Variants in PIP5K1B observed in about 807,000 individuals in gnomAD.
PIP5K1B encodes phosphatidylinositol-4-phosphate 5-kinase type 1 beta.
In PIP5K1B, 42 loss-of-function variants were observed where a neutral mutation model predicts 67.0. The observed-to-expected ratio is 0.63, with a 90% CI of 0.49 to 0.81. PIP5K1B has a LOEUF of 0.81. PIP5K1B is among the 30% of genes least tolerant of loss of function. The pLI is 0.00. For synonymous variants in PIP5K1B, 214 were observed against 231.4 expected, an observed-to-expected ratio of 0.92 and a Z score of 0.68; for missense variants, 459 against 646.3, an observed-to-expected ratio of 0.71 and a Z score of 3.14.
chr9:68,914,049 T>C (rs567836096), intron 8 of PIP5K1B, among the ~76,000 whole-genome samples: 4 of 152,222 alleles, frequency 2.6e-5, no homozygotes, highest in African/African-American at 7.2e-5. Flanking sequence ...AGGTTGAATA[T>C]TGCAGGAAAA....
intron 1 of PIP5K1B, among the ~76,000 whole-genome samples, chr9:68,729,222 T>G (rs1325311326): frequency 9.9e-5 from 15 of 152,202 alleles, no homozygotes; most frequent in Admixed American, 9.8e-4. Context: ...ATTTAAAATA[T>G]TTAGATGAAT....
At chr9:68,994,090 G>C (rs541122732) in intron 15 of PIP5K1B, among the ~76,000 whole-genome samples, 1 of 140,210 alleles carries the variant, frequency 7.1e-6, no homozygotes, top group South Asian at 2.3e-4. Context: ...GCCCAGGCTG[G>C]AGTGCAGTGG....
At chr9:68,852,634 G>A (rs1822551353) in intron 4 of PIP5K1B, among the ~76,000 whole-genome samples, 1 of 152,222 alleles carries the variant, frequency 6.6e-6, no homozygotes, top group South Asian at 2.1e-4. Context: ...AGAGCAGGGT[G>A]AAGGAGGGTT....
chr9:68,764,886 A>C (rs1390392695), intron 2 of PIP5K1B, among the ~76,000 whole-genome samples: 1 of 152,108 alleles, frequency 6.6e-6, no homozygotes, highest in Non-Finnish European at 1.5e-5. Context: ...TATTTAAAAT[A>C]CTGAAGCATT....
chr9:68,894,743 A>C, intron 8 of PIP5K1B, 105 bp downstream of exon 8: 2 of 1,061,082 alleles, frequency 1.9e-6, no homozygotes, highest in Non-Finnish European at 2.8e-6. Flanking sequence ...AAAGTGGCAG[A>C]CATGTGGAAT....
At chr9:68,865,873 T>C (rs1233976877) in intron 5 of PIP5K1B, among the ~76,000 whole-genome samples, 1 of 152,236 alleles carries the variant, frequency 6.6e-6, no homozygotes, top group African/African-American at 2.4e-5. Flanking sequence ...GCCTCGCCCA[T>C]GACTTTCCAC....
intron 13 of PIP5K1B, among the ~76,000 whole-genome samples, chr9:68,938,979 C>G (rs1827418952): frequency 6.6e-6 from 1 of 152,238 alleles, no homozygotes. Flanking sequence ...CTTTGACTAA[C>G]TCAGTGTTAG....
intron 14 of PIP5K1B, among the ~76,000 whole-genome samples, chr9:68,967,040 T>C (rs566080017): frequency 6.6e-6 from 1 of 152,360 alleles, no homozygotes; most frequent in South Asian, 2.1e-4. Flanking sequence ...CCATATAAGG[T>C]TGAATATGTA....
intron 2 of PIP5K1B, chr9:68,779,962 C>A (rs1230619490): frequency 5.0e-6 from 3 of 598,360 alleles, no homozygotes; most frequent in African/African-American, 1.9e-5. Flanking sequence ...CCTCCCCTAC[C>A]ACTGCCGCGC....
At chr9:68,718,096 A>C (rs1564085455) in intron 1 of PIP5K1B, among the ~76,000 whole-genome samples, 1 of 152,232 alleles carries the variant, frequency 6.6e-6, no homozygotes, top group Non-Finnish European at 1.5e-5. Context: ...AGGACTCCAC[A>C]TATAGTGCTC....
chr9:68,825,553 T>C (rs1021101691), intron 4 of PIP5K1B, among the ~76,000 whole-genome samples: 3 of 152,228 alleles, frequency 2.0e-5, no homozygotes, highest in African/African-American at 7.2e-5. Flanking sequence ...TACCTTAAAT[T>C]TCTTTCCCAG....
At chr9:68,995,273 T>C (rs1447764493) in intron 15 of PIP5K1B, among the ~76,000 whole-genome samples, 1 of 151,782 alleles carries the variant, frequency 6.6e-6, no homozygotes, top group Admixed American at 6.6e-5. Flanking sequence ...TTCCAAAGTA[T>C]CTACCGTTGT....
intron 1 of PIP5K1B, chr9:68,739,716 T>A (rs1039977149): frequency 6.6e-6 from 1 of 152,246 alleles, no homozygotes; most frequent in African/African-American, 2.4e-5. Context: ...ATTTTCACGC[T>A]TTCAGTGCTC....
At chr9:68,955,260 C>T (rs1369497442) in intron 14 of PIP5K1B, among the ~76,000 whole-genome samples, 2 of 152,184 alleles carry the variant, frequency 1.3e-5, no homozygotes, top group African/African-American at 2.4e-5. Flanking sequence ...AGAAGGCATT[C>T]CAAAAGTGAC....
intron 4 of PIP5K1B, among the ~76,000 whole-genome samples, chr9:68,839,207 T>C (rs1218679594): frequency 6.6e-6 from 1 of 152,224 alleles, no homozygotes; most frequent in African/African-American, 2.4e-5. Context: ...AGAATTTTAA[T>C]GTAATTTCAT....
chr9:68,713,410 A>C (rs1274148305), intron 1 of PIP5K1B, among the ~76,000 whole-genome samples: 1 of 152,192 alleles, frequency 6.6e-6, no homozygotes, highest in Non-Finnish European at 1.5e-5. Flanking sequence ...AAAAGAAAAG[A>C]AAAGAAAGAA....
chr9:68,876,877 T>A, intron 6 of PIP5K1B, 83 bp downstream of exon 6: 1 of 757,536 alleles, frequency 1.3e-6, no homozygotes, highest in Non-Finnish European at 2.4e-6. Flanking sequence ...AAGTGGCTTG[T>A]GTCTCTCATT....
At chr9:68,828,555 A>T (rs1275590211) in intron 4 of PIP5K1B, among the ~76,000 whole-genome samples, 1 of 152,172 alleles carries the variant, frequency 6.6e-6, no homozygotes, top group East Asian at 1.9e-4. Flanking sequence ...AGCGGTGAGG[A>T]AGGAGGAAAT....
intron 4 of PIP5K1B, among the ~76,000 whole-genome samples, chr9:68,834,236 G>A (rs1362007176): frequency 2.0e-5 from 3 of 152,120 alleles, no homozygotes; most frequent in Admixed American, 6.5e-5. Flanking sequence ...TCTTGGACAC[G>A]CACCTAACTG....
Sources: gnomAD v4.1 joint callset for allele counts (sites outside exome capture counted in the v4.1 genomes callset) on GRCh38, gnomAD v4.1.1 for gene constraint, MANE v1.5 for transcripts, NCBI Gene and HGNC (gene_info 2026-07-23, HGNC 2026-07-21) for gene names.